The following CD160 variants were observed in gnomAD, a reference collection of about 807,000 sequenced individuals.
CD160 encodes CD160 antigen.
A neutral mutation model predicts 19.2 loss-of-function variants in CD160; 11 were observed. That is an observed-to-expected ratio of 0.57 (90% CI 0.36 to 0.95). CD160 has a LOEUF of 0.95. Among genes scored for constraint, CD160 ranks in the 40% least tolerant of loss-of-function variants. CD160 has a pLI of 0.01. For synonymous variants in CD160, 75 were observed against 81.1 expected (o/e 0.93, Z 0.40); for missense variants, 182 against 213.2 (o/e 0.85, Z 0.91).
rs1367869840 is a variant in CD160, at chr1:145,731,408, T to G, written c.400+338T>G. 2.0e-5 allele frequency among the ~76,000 whole-genome samples: 3 copies of G among 152,262 alleles called. No individual in the cohort carries two copies. The East Asian group carries it at 5.8e-4, about 29-fold the overall frequency. On this transcript the variant is annotated intron_variant, in intron 4 of 5. Coordinates refer to ENST00000369288, the MANE Select transcript of CD160 (RefSeq NM_007053.4). ...CTTCCTGGCCAGGCATGGTGGCTCA[T>G]GCCTGTAATCCCAGCATTTTGGGAG...
chr1:145,735,925 T>G, intron 4 of CD160, 72 bp from the exon 5 acceptor site: 63 of 1,026,770 alleles, frequency 6.1e-5, no homozygotes, highest in Non-Finnish European at 8.2e-5. Flanking sequence ...AGAGATGTTA[T>G]GAGATGATGC....
intron 1 of CD160, among the ~76,000 whole-genome samples, chr1:145,723,664 A>C (rs919762719): frequency 6.6e-6 from 1 of 151,938 alleles, no homozygotes; most frequent in Non-Finnish European, 1.5e-5. Context: ...GCTCACTGCA[A>C]TCTCTGCCTC....
chr1:145,731,798 T>C (rs1270685472), intron 4 of CD160, among the ~76,000 whole-genome samples: 10 of 152,178 alleles, frequency 6.6e-5, no homozygotes, highest in East Asian at 1.9e-4. Flanking sequence ...TGAGATAATA[T>C]GGGTGTCTGT....
rs143329269 is a variant in CD160 at position 145,722,250 on chromosome 1, A to G, written c.-178-2551A>G. Among the ~76,000 whole-genome samples the G allele has an allele frequency of 2.8e-3, 431 of 152,290 alleles. 1 individual carries two copies. Among genetic ancestry groups the G allele is most frequent in the African/African-American group, 9.8e-3 (409 of 41,544 alleles). On this transcript the variant is annotated intron_variant, in intron 1 of 5. Transcript: ENST00000369288. ...TCTCTGCCAGGCACTGTGCTAAGTA[A>G]TTTACATAGGTGACCTCATTTGACC...
At chr1:145,726,387 A>G (rs2449411) in intron 2 of CD160, among the ~76,000 whole-genome samples, 43,134 of 152,140 alleles carry the variant, frequency 0.28, 6,914 homozygotes, top group Non-Finnish European at 0.36. Context: ...TACACCATGG[A>G]ATACTATGCA....
At chr1:145,736,448 A>G (rs898662858) in intron 5 of CD160, 8 of 474,368 alleles carry the variant, frequency 1.7e-5, no homozygotes, top group African/African-American at 1.2e-4. Flanking sequence ...AAGTTGAAGC[A>G]ACAGATTTTC....
In CD160 at chr1:145,730,988, C is replaced by T; in HGVS notation, c.318C>T (p.His106=). ...CCATAAGCCAAGTCACACCGTTGCA[C>T]AGTGGGACCTACCAGTGTTGTGCCA... is the stretch of plus-strand genomic sequence containing the variant. ...MFTISQVTPL[H]SGTYQCCARS... is the part of the protein sequence containing the mutation. Residue 106 remains histidine (H), a synonymous_variant, in exon 4 of 6, where the codon CAC becomes CAT. Coordinates refer to ENST00000369288, the MANE Select transcript of CD160 (RefSeq NM_007053.4). 6.2e-7 allele frequency: 1 copy of T among 1,614,178 alleles called. No homozygotes were observed. The highest frequency in any genetic ancestry group is 8.5e-7 in the Non-Finnish European group (1 of 1,180,024).
intron 1 of CD160, among the ~76,000 whole-genome samples, chr1:145,721,118 G>A (rs1553707747): frequency 6.6e-6 from 1 of 152,116 alleles, no homozygotes; most frequent in Admixed American, 6.5e-5. Flanking sequence ...ACGACCACCC[G>A]CTCTCCCCTC....
chr1:145,720,343 G>A (rs1656780272), intron 1 of CD160, among the ~76,000 whole-genome samples: 1 of 152,022 alleles, frequency 6.6e-6, no homozygotes, highest in Non-Finnish European at 1.5e-5. Context: ...TTCTGAGAAG[G>A]GACTCCATAT....
rs781785482 is a variant in CD160, at chr1:145,728,385, G to T, written c.58G>T (p.Asp20Tyr). The T allele has an allele frequency of 2.5e-6, 4 of 1,612,518 alleles. No homozygotes were observed. In the South Asian group the frequency reaches 4.4e-5, roughly 18 times the overall value. ...CCTGGCCATCCTGCTGGCAATTGTG[G>T]ACATCCAGTCTGGTGGTGAGGATAG... ...CALAILLAIV[D>Y]IQSGGCINIT... is the part of the protein sequence containing the mutation. The change falls in exon 3 of 6, where the codon GAC becomes TAC. Residue 20 changes from aspartate to tyrosine, a missense_variant. Physicochemically the swap from Asp to Tyr is radical, Grantham distance 160. Transcript: ENST00000369288.
At chr1:145,736,418 C>T in intron 5 of CD160, 1 of 602,688 alleles carries the variant, frequency 1.7e-6, no homozygotes. Context: ...CCTCTACTCA[C>T]TGCATGAACA....
intron 2 of CD160, among the ~76,000 whole-genome samples, chr1:145,726,879 T>TATC (rs1475868096): frequency 6.6e-6 from 1 of 152,134 alleles, no homozygotes; most frequent in East Asian, 1.9e-4. Flanking sequence ...GAAAAATGAA[T>TATC]ATCACATTCT....
intron 5 of CD160, chr1:145,737,882 G>GA (rs1244166186): frequency 2.6e-5 from 4 of 151,764 alleles, no homozygotes; most frequent in East Asian, 1.9e-4. Flanking sequence ...TTAACCAAAG[G>GA]AAAAAACCAA....
intron 5 of CD160, chr1:145,736,487 C>G: frequency 2.7e-6 from 1 of 370,844 alleles, no homozygotes; most frequent in Non-Finnish European, 5.1e-6. Flanking sequence ...AGGCAAGAGA[C>G]AGACTTGGTT....
intron 3 of CD160, 151 bp downstream of exon 3, chr1:145,728,551 TG>T: frequency 1.9e-6 from 1 of 537,334 alleles, no homozygotes. Flanking sequence ...TCACCCAGGC[TG>T]GAGTGCAGTG....
chr1:145,738,320 T>C (rs1657578964), intron 5 of CD160, 166 bp from the exon 6 acceptor site: 1 of 412,758 alleles, frequency 2.4e-6, no homozygotes. Flanking sequence ...CCTAATTTAG[T>C]AATAAGATGC....
chr1:145,737,889 C>A (rs971404078), intron 5 of CD160: 4 of 151,830 alleles, frequency 2.6e-5, no homozygotes, highest in Admixed American at 2.0e-4. Context: ...AAGGAAAAAA[C>A]CAAAGCTCAA....
At chr1:145,731,207 G>C in intron 4 of CD160, 137 bp downstream of exon 4, 1 of 703,234 alleles carries the variant, frequency 1.4e-6, no homozygotes, top group Non-Finnish European at 2.5e-6. Context: ...CCCATTGGCA[G>C]ATGCTGCCTT....
chr1:145,737,432 A>C (rs1440154910), intron 5 of CD160: 4 of 152,302 alleles, frequency 2.6e-5, no homozygotes, highest in African/African-American at 9.7e-5. Context: ...AGGACCACCT[A>C]AACATTCCCT....
Sources: gnomAD v4.1 joint callset for allele counts (sites outside exome capture counted in the v4.1 genomes callset) on GRCh38, gnomAD v4.1.1 for gene constraint, MANE v1.5 for transcripts, NCBI Gene and HGNC (gene_info 2026-07-23, HGNC 2026-07-21) for gene names.